Variants in PRKCA observed in about 807,000 individuals in gnomAD.
The protein encoded by PRKCA is protein kinase C alpha type.
Under a neutral mutation model 87.0 loss-of-function variants are expected in PRKCA, and 27 were observed. That is an observed-to-expected ratio of 0.31 (90% CI 0.23 to 0.43). PRKCA has a LOEUF of 0.43. Among genes scored for constraint, PRKCA ranks in the 20% least tolerant of loss-of-function variants. The pLI is 1.00. For synonymous variants in PRKCA, 329 were observed against 311.1 expected (o/e 1.06, Z -0.61); for missense variants, 518 against 852.3 (o/e 0.61, Z 4.88).
intron 2 of PRKCA, among the ~76,000 whole-genome samples, chr17:66,456,974 T>C (rs1914602214): frequency 1.3e-5 from 2 of 152,188 alleles, no homozygotes; most frequent in South Asian, 4.1e-4. Context: ...TGTACATGAA[T>C]GTCATGAATG....
intron 8 of PRKCA, among the ~76,000 whole-genome samples, chr17:66,704,652 A>G (rs1450649125): frequency 5.3e-5 from 8 of 152,268 alleles, no homozygotes. Context: ...TTATAAGTCC[A>G]GATACTACAG....
intron 8 of PRKCA, among the ~76,000 whole-genome samples, chr17:66,723,429 G>A (rs1973663525): frequency 1.3e-5 from 2 of 152,118 alleles, no homozygotes; most frequent in African/African-American, 4.8e-5. Flanking sequence ...AGGAGTTCAA[G>A]ACCAGCCTGG....
chr17:66,642,492 C>T (rs1373249420), intron 4 of PRKCA, among the ~76,000 whole-genome samples: 2 of 152,036 alleles, frequency 1.3e-5, no homozygotes, highest in African/African-American at 4.8e-5. Flanking sequence ...CAAGCTGATA[C>T]CTTTAGGACA....
chr17:66,577,169 C>T (rs1230212135), intron 3 of PRKCA, among the ~76,000 whole-genome samples: 1 of 152,096 alleles, frequency 6.6e-6, no homozygotes, highest in Non-Finnish European at 1.5e-5. Flanking sequence ...CGTGCCTGGC[C>T]CTGTGATGCA....
At chr17:66,396,651 CAG>C (rs1328115269) in intron 2 of PRKCA, among the ~76,000 whole-genome samples, 1 of 118,760 alleles carries the variant, frequency 8.4e-6, no homozygotes, top group East Asian at 2.6e-4. Context: ...TTTTTCGTGA[CAG>C]AGTCTCGCTC....
At chr17:66,775,366 G>A (rs61762772) in intron 14 of PRKCA, 731 of 984,952 alleles carry the variant, frequency 7.4e-4, no homozygotes, top group Non-Finnish European at 8.0e-4. Context: ...CTTAGGGGCC[G>A]GCCTAGAAAT....
chr17:66,357,010 C>T (rs1314679355), intron 2 of PRKCA, among the ~76,000 whole-genome samples: 1 of 152,222 alleles, frequency 6.6e-6, no homozygotes, highest in Non-Finnish European at 1.5e-5. Flanking sequence ...CCACTTGCCT[C>T]AGCCTCCCAA....
chr17:66,328,463 A>G (rs1906123388), intron 2 of PRKCA, among the ~76,000 whole-genome samples: 1 of 152,148 alleles, frequency 6.6e-6, no homozygotes. Context: ...GCAGCCAGCA[A>G]CTGCAAAGGC....
At chr17:66,588,133 C>G (rs758547665) in intron 3 of PRKCA, among the ~76,000 whole-genome samples, 1 of 151,944 alleles carries the variant, frequency 6.6e-6, no homozygotes, top group Non-Finnish European at 1.5e-5. Context: ...CCAATAAATG[C>G]TTTTATCAGG....
intron 2 of PRKCA, among the ~76,000 whole-genome samples, chr17:66,411,098 G>C (rs1911769341): frequency 6.6e-6 from 1 of 152,058 alleles, no homozygotes; most frequent in Admixed American, 6.6e-5. Flanking sequence ...TGGGGACAGG[G>C]TCTTGCCCTG....
intron 3 of PRKCA, among the ~76,000 whole-genome samples, chr17:66,545,265 A>C (rs1968112799): frequency 6.7e-6 from 1 of 149,378 alleles, no homozygotes; most frequent in Non-Finnish European, 1.5e-5. Flanking sequence ...CGCCTCTACT[A>C]AAAAATACAA....
At chr17:66,551,140 G>A (rs1238018966) in intron 3 of PRKCA, among the ~76,000 whole-genome samples, 5 of 152,184 alleles carry the variant, frequency 3.3e-5, no homozygotes, top group African/African-American at 9.7e-5. Flanking sequence ...ATGACTCACT[G>A]TAGCCTTGAT....
chr17:66,616,472 A>T (rs1472829761), intron 3 of PRKCA, among the ~76,000 whole-genome samples: 3 of 152,132 alleles, frequency 2.0e-5, no homozygotes, highest in Admixed American at 2.0e-4. Flanking sequence ...TATTGATTCC[A>T]TTCATGTTGC....
rs1159830238 is a variant in PRKCA at position 66,498,808 on chromosome 17, C to T, written c.288+2525C>T. Among the ~76,000 whole-genome samples the T allele has an allele frequency of 3.9e-5, 6 of 152,134 alleles. No individual in the cohort carries two copies. The South Asian group carries it at 8.3e-4, about 21-fold the overall frequency. ...CATGCATGCTGGGCTGTATGGGGCC[C>T]TGGAAAAGGCTGTTTCAGACAAAGG... On this transcript the variant is annotated intron_variant, in intron 3 of 16. Coordinates refer to ENST00000413366, the MANE Select transcript of PRKCA (RefSeq NM_002737.3).
intron 3 of PRKCA, among the ~76,000 whole-genome samples, chr17:66,585,403 C>G (rs1419211588): frequency 6.6e-6 from 1 of 152,246 alleles, no homozygotes; most frequent in Non-Finnish European, 1.5e-5. Flanking sequence ...TTACAGGCTG[C>G]TCTGCTAGAA....
chr17:66,589,131 C>T (rs1466724816), intron 3 of PRKCA, among the ~76,000 whole-genome samples: 2 of 152,036 alleles, frequency 1.3e-5, no homozygotes, highest in Non-Finnish European at 2.9e-5. Flanking sequence ...TCTTATGACC[C>T]ATAAAAGACT....
chr17:66,493,299 G>GTGTA (rs1555610785), intron 2 of PRKCA, among the ~76,000 whole-genome samples: 2 of 136,644 alleles, frequency 1.5e-5, no homozygotes, highest in East Asian at 4.5e-4. Flanking sequence ...AGGTATATTT[G>GTGTA]TGTGTGTGTG....
intron 13 of PRKCA, among the ~76,000 whole-genome samples, chr17:66,745,604 C>T (rs1448887476): frequency 1.3e-5 from 2 of 152,148 alleles, no homozygotes; most frequent in Non-Finnish European, 2.9e-5. Flanking sequence ...TCGCTTGAAC[C>T]TGGGAGGCAG....
At chr17:66,457,519 A>G (rs2143948149) in intron 2 of PRKCA, among the ~76,000 whole-genome samples, 1 of 152,162 alleles carries the variant, frequency 6.6e-6, no homozygotes, top group African/African-American at 2.4e-5. Context: ...AGCCATTGAG[A>G]TGGTTTGGCT....
Sources: gnomAD v4.1 joint callset for allele counts (sites outside exome capture counted in the v4.1 genomes callset) on GRCh38, gnomAD v4.1.1 for gene constraint, MANE v1.5 for transcripts, NCBI Gene and HGNC (gene_info 2026-07-23, HGNC 2026-07-21) for gene names.